The following GTF3C1 variants were observed in gnomAD, a reference collection of about 807,000 sequenced individuals.
GTF3C1 encodes the protein general transcription factor 3C polypeptide 1.
In GTF3C1, 57 loss-of-function variants were observed where a neutral mutation model predicts 226.7. The observed-to-expected ratio is 0.25, with a 90% confidence interval of 0.20 to 0.31. GTF3C1 has a LOEUF of 0.31. Ranked by LOEUF, GTF3C1 falls within the 10% of genes least tolerant of loss-of-function variation. The pLI is 1.00. For synonymous variants in GTF3C1, 1,090 were observed against 1,084.8 expected (o/e 1.00, Z -0.09); for missense variants, 2,217 against 2,776.1 (o/e 0.80, Z 4.53).
chr16:27,506,829 A>G lies in GTF3C1; in HGVS notation c.1552+18T>C. 1 of 1,577,854 alleles carries G rather than the reference A, an allele frequency of 6.3e-7. No homozygotes were observed. The highest frequency in any genetic ancestry group is 8.6e-7 in the Non-Finnish European group (1 of 1,160,304). ...AGTGCAGTGCACGCAGCCCCTGCCC[A>G]CCCCACGTGCTCCCTACCCTTGGTT... On this transcript the variant is annotated intron_variant, in intron 9 of 36. Coordinates refer to ENST00000356183, the MANE Select transcript of GTF3C1 (RefSeq NM_001520.4).
At chr16:27,523,791 G>C (rs1440661360) in intron 6 of GTF3C1, among the ~76,000 whole-genome samples, 2 of 152,182 alleles carry the variant, frequency 1.3e-5, no homozygotes, top group African/African-American at 4.8e-5. Context: ...AGTGAGGGAA[G>C]GACTCACCAT....
At chr16:27,510,995 T>C (rs1317045428) in intron 7 of GTF3C1, among the ~76,000 whole-genome samples, 1 of 152,250 alleles carries the variant, frequency 6.6e-6, no homozygotes. Flanking sequence ...ATGTCATTTA[T>C]CCTCATAATG....
In GTF3C1 at chr16:27,492,391, T is replaced by A. The variant is rs758788228; in HGVS notation, c.3098A>T (p.Asp1033Val). ...CAGGTCAAACCAGTAGTTTTCCACA[T>A]CCTGCATTGAGTTCAGGACATAGAG... Reference protein sequence around the residue: ...RRLYVLNSMQDVENYWFDLQC... With the variant: ...RRLYVLNSMQVVENYWFDLQC... Residue 1033 changes from aspartate to valine, a missense_variant, in exon 19 of 37, where the codon GAT becomes GTT. Asp to Val is a radical substitution (Grantham distance 152). Coordinates refer to ENST00000356183, the MANE Select transcript of GTF3C1 (RefSeq NM_001520.4). This position sits in a 1 kb window ranked among gnomAD's most constrained non-coding sequence, Gnocchi z 5.0. The A allele has an allele frequency of 5.0e-6, 8 of 1,610,966 alleles. No homozygotes were observed. In the East Asian group the frequency reaches 1.8e-4, roughly 36 times the overall value.
intron 14 of GTF3C1, among the ~76,000 whole-genome samples, chr16:27,496,826 C>T (rs558730851): frequency 1.3e-5 from 2 of 152,358 alleles, no homozygotes; most frequent in Admixed American, 1.3e-4. Context: ...GCAGGACAGG[C>T]AGTCAGAAGG....
At chr16:27,503,288 C>T (rs536337369) in intron 10 of GTF3C1, among the ~76,000 whole-genome samples, 10 of 152,320 alleles carry the variant, frequency 6.6e-5, no homozygotes, top group South Asian at 2.1e-4. Flanking sequence ...AGGTGGAAGG[C>T]GTTCCCTCAA....
chr16:27,549,902 TCGG>T lies in GTF3C1; in HGVS notation c.-15_-13del. The stretch of plus-strand genomic sequence containing the variant: ...TCCAGCGCGTCCATTGCTACTTCAG[TCGG>T]CGGCGCCCGGGGCGCATGCGCAACG... On this transcript the variant is annotated 5_prime_UTR_variant, in exon 1 of 37. Coordinates refer to ENST00000356183, the MANE Select transcript of GTF3C1 (RefSeq NM_001520.4). 6.2e-7 allele frequency: 1 copy of T among 1,604,692 alleles called. No individual in the cohort carries two copies. The highest frequency in any genetic ancestry group is 1.7e-5 in the Admixed American group (1 of 59,784).
At position 27,528,712 on chromosome 16, in the gene GTF3C1, C is replaced by T. The variant is rs2088869823; in HGVS notation, c.859G>A (p.Glu287Lys). 2.5e-6 allele frequency: 4 copies of T among 1,613,544 alleles called. No individual in the cohort carries two copies. The highest frequency in any genetic ancestry group is 1.7e-5 in the Admixed American group (1 of 59,998). ...TGGTACAGACGCTTAAACGTCCTTT[C>T]GCACAGCCCCTGCCAAAACACAATT... ...GKLREELGLCERTFKRLYQYM... is the reference protein window; with the variant it reads ...GKLREELGLCKRTFKRLYQYM... Residue 287 changes from glutamate (E) to lysine (K), a missense_variant, in exon 6 of 37, where the codon GAA becomes AAA. This residue lies in a region of GTF3C1 where 163 missense variants were observed against 234.3 expected (regional missense o/e 0.70). Transcript: ENST00000356183.
At chr16:27,522,754 C>T (rs2088768979) in intron 6 of GTF3C1, among the ~76,000 whole-genome samples, 1 of 152,236 alleles carries the variant, frequency 6.6e-6, no homozygotes. Context: ...TTTCCATTTA[C>T]ATAAATCTTA....
At position 27,508,531 on chromosome 16, in the gene GTF3C1, T is replaced by A; in HGVS notation, c.1242+9A>T. 6.3e-7 allele frequency: 1 copy of A among 1,593,422 alleles called. No individual in the cohort carries two copies. Among genetic ancestry groups the A allele is most frequent in the Non-Finnish European group, 8.6e-7 (1 of 1,161,146 alleles). Reference sequence around the variant, plus strand: ...ACAACGAGTGTTGGGGGAAGGCTCATGATGTTACCTTGACAACTTTGAATC... The same window carrying A: ...ACAACGAGTGTTGGGGGAAGGCTCAAGATGTTACCTTGACAACTTTGAATC... On this transcript the variant is annotated intron_variant, in intron 8 of 36. Coordinates refer to ENST00000356183, the MANE Select transcript of GTF3C1 (RefSeq NM_001520.4).
At chr16:27,545,258 T>G in intron 2 of GTF3C1, 56 bp downstream of exon 2, 105 of 1,260,830 alleles carry the variant, frequency 8.3e-5, no homozygotes, top group Non-Finnish European at 1.2e-4. Flanking sequence ...ATTACAGGCG[T>G]GAGCCACCGT....
rs1287331179 is a variant in GTF3C1, at chr16:27,471,248, G to A, written c.4526+500C>T. ...CTCTGCGTGTGGTCAGGAGGCTGGT[G>A]GTGCAACGCCCTCTGCGGCATGAAG... On this transcript the variant is annotated intron_variant, in intron 30 of 36. Coordinates refer to ENST00000356183, the MANE Select transcript of GTF3C1 (RefSeq NM_001520.4). This position sits in a 1 kb window ranked among gnomAD's most constrained non-coding sequence, Gnocchi z 5.0. 6.6e-6 allele frequency among the ~76,000 whole-genome samples: 1 copy of A among 152,224 alleles called. No individual in the cohort carries two copies. The highest frequency in any genetic ancestry group is 1.5e-5 in the Non-Finnish European group (1 of 68,046).
rs1567388746 is a variant in GTF3C1, at chr16:27,478,399, G to A, written c.4259+70C>T. On this transcript the variant is annotated intron_variant, in intron 28 of 36. Transcript: ENST00000356183. The stretch of plus-strand genomic sequence containing the variant: ...CTGGATTTGGCCCTAGATTACCCCA[G>A]TGCAATAGGTTGTCAGCCATCAAGT... 3 of 1,084,760 alleles carry A rather than the reference G, an allele frequency of 2.8e-6. No homozygotes were observed. The Admixed American group carries it at 5.1e-5, about 18-fold the overall frequency. 67.2% of individuals were successfully genotyped at this position (1,084,760 alleles called of 1,614,324 possible).
rs977625745 is a variant in GTF3C1, at chr16:27,463,034, C to G, written c.5924+507G>C. The G allele has an allele frequency of 5.9e-5, 10 of 170,454 alleles. No homozygotes were observed. The highest frequency in any genetic ancestry group is 2.4e-4 in the African/African-American group (10 of 41,874). The allele number at this position is 170,454 out of a possible 1,614,324, so 10.6% of individuals were successfully genotyped here. ...GCCTTGGAGGGGGCACACCTGAGCT[C>G]TTGAAAGCCAGGACACAGGGCACTT... On this transcript the variant is annotated intron_variant, in intron 35 of 36. Transcript: ENST00000356183. This position sits in a 1 kb window ranked among gnomAD's most constrained non-coding sequence, Gnocchi z 4.9.
chr16:27,508,250 A>AT (rs2088517460), intron 8 of GTF3C1, among the ~76,000 whole-genome samples: 1 of 152,194 alleles, frequency 6.6e-6, no homozygotes, highest in African/African-American at 2.4e-5. Context: ...ATGTCAGGTG[A>AT]TCCCCCTACC....
rs1060499746 is a variant in GTF3C1, at chr16:27,481,179, C to G, written c.4096G>C (p.Glu1366Gln). ...AGCTTCTCCACAAATTCTTTAAACT[C>G]GTTGGCACAAACCTTTCAACATGAG... Reference protein sequence around the residue: ...DYDDPKVCANEFKEFVEKLKE... With the variant: ...DYDDPKVCANQFKEFVEKLKE... The change falls in exon 27 of 37, where the codon GAG (glutamate) becomes CAG (glutamine). Residue 1366 changes from glutamate (E) to glutamine (Q), a missense_variant. Around this residue, in one of 12 missense-constraint regions of GTF3C1, gnomAD observed 546 missense variants for 663.0 expected, o/e 0.82. Transcript: ENST00000356183. 1 of 1,614,130 alleles carries G rather than the reference C, an allele frequency of 6.2e-7. No homozygotes were observed. Among genetic ancestry groups the G allele is most frequent in the Non-Finnish European group, 8.5e-7 (1 of 1,179,958 alleles).
chr16:27,479,716 G>A (rs537425555), intron 27 of GTF3C1, among the ~76,000 whole-genome samples: 14 of 152,078 alleles, frequency 9.2e-5, no homozygotes, highest in East Asian at 3.9e-4. Flanking sequence ...TGATCCACCC[G>A]CCTCGGCCTC....
At position 27,546,056 on chromosome 16, in the gene GTF3C1, C is replaced by T. The variant is rs536837686; in HGVS notation, c.222-533G>A. On this transcript the variant is annotated intron_variant, in intron 1 of 36. Transcript: ENST00000356183. ...AGAGATGACGGTTCACCATGTTGGT[C>T]AGGGTGGTCTCGAACTCCTGACCTC... is the stretch of plus-strand genomic sequence containing the variant. Among the ~76,000 whole-genome samples the T allele has an allele frequency of 2.6e-5, 4 of 152,232 alleles. No individual in the cohort carries two copies. In the East Asian group the frequency reaches 5.8e-4, roughly 22 times the overall value.
intron 5 of GTF3C1, 73 bp downstream of exon 5, chr16:27,533,218 C>A: frequency 1.3e-6 from 1 of 741,876 alleles, no homozygotes; most frequent in Non-Finnish European, 2.5e-6. Flanking sequence ...ATTCATTCCT[C>A]TATGCCTGAC....
chr16:27,524,838 T>C (rs2088805459), intron 6 of GTF3C1, among the ~76,000 whole-genome samples: 1 of 152,258 alleles, frequency 6.6e-6, no homozygotes, highest in East Asian at 1.9e-4. Flanking sequence ...TATTTAGGTA[T>C]TCAGGCCATT....
Sources: allele counts gnomAD v4.1 joint callset (sites outside exome capture counted in the v4.1 genomes callset), GRCh38; gene constraint gnomAD v4.1.1; regional missense constraint gnomAD v4.1.1; non-coding constraint Gnocchi (gnomAD v3.1); transcripts MANE v1.5; gene names NCBI Gene and HGNC (gene_info 2026-07-23, HGNC 2026-07-21).